The following EDN1 variants were observed in gnomAD, a reference collection of about 807,000 sequenced individuals.
The protein encoded by EDN1 is endothelin 1.
In EDN1, 11 loss-of-function variants were observed where a neutral mutation model predicts 21.7. That is an observed-to-expected ratio of 0.51 (90% confidence interval 0.32 to 0.84). The LOEUF (loss-of-function observed/expected upper bound fraction) is 0.84, where lower values mean the gene tolerates loss of function less well. Ranked by LOEUF, EDN1 falls within the 40% of genes least tolerant of loss-of-function variation. EDN1 has a pLI of 0.03. For missense variants in EDN1, 244 were observed against 262.3 expected, an observed-to-expected ratio of 0.93 and a Z score of 0.48; for synonymous variants, 85 against 90.6, an observed-to-expected ratio of 0.94 and a Z score of 0.35.
chr6:12,266,114 C>T, the EDN1 span, among the ~76,000 whole-genome samples: 8,163 of 152,102 alleles, frequency 0.054, 694 homozygotes, highest in African/African-American at 0.18. Context: ...GGAATTTGAG[C>T]CTTGGTTAGG....
chr6:12,234,925 T>C, the EDN1 span, among the ~76,000 whole-genome samples: 8 of 152,300 alleles, frequency 5.3e-5, no homozygotes, highest in Admixed American at 2.0e-4. Flanking sequence ...AAAGAGATAT[T>C]TGACAAACAT....
the EDN1 span, among the ~76,000 whole-genome samples, chr6:12,266,275 T>C: frequency 4.8e-3 from 735 of 152,274 alleles, 5 homozygotes; most frequent in African/African-American, 0.017. Context: ...TTAAGGAATA[T>C]GTGTCAAAGA....
At chr6:12,266,990 G>T in the EDN1 span, among the ~76,000 whole-genome samples, 1 of 152,200 alleles carries the variant, frequency 6.6e-6, no homozygotes, top group Non-Finnish European at 1.5e-5. Flanking sequence ...TAGTAAAGAA[G>T]AATTTAGGAC....
At chr6:12,274,608 A>G in the EDN1 span, among the ~76,000 whole-genome samples, 1 of 152,252 alleles carries the variant, frequency 6.6e-6, no homozygotes, top group Admixed American at 6.5e-5. Context: ...CCTGGTCTGT[A>G]ATAGGCTCTC....
At chr6:12,285,150 A>C in the EDN1 span, among the ~76,000 whole-genome samples, 1 of 152,220 alleles carries the variant, frequency 6.6e-6, no homozygotes, top group African/African-American at 2.4e-5. Context: ...ATACATAATC[A>C]TATCATTATT....
the EDN1 span, among the ~76,000 whole-genome samples, chr6:12,230,598 T>C: frequency 2.0e-5 from 3 of 152,096 alleles, no homozygotes; most frequent in African/African-American, 7.2e-5. Context: ...TGGTACAAAA[T>C]TGATGGCAAA....
At chr6:12,230,624 C>T in the EDN1 span, among the ~76,000 whole-genome samples, 1 of 152,122 alleles carries the variant, frequency 6.6e-6, no homozygotes, top group South Asian at 2.1e-4. Context: ...CACCTGTTTA[C>T]AGGATAAGGG....
the EDN1 span, among the ~76,000 whole-genome samples, chr6:12,256,348 G>C: frequency 6.6e-6 from 1 of 152,116 alleles, no homozygotes; most frequent in Non-Finnish European, 1.5e-5. Flanking sequence ...GTGAGATCTT[G>C]TCAAACAAAA....
At chr6:12,272,928 T>C in the EDN1 span, among the ~76,000 whole-genome samples, 2 of 152,172 alleles carry the variant, frequency 1.3e-5, no homozygotes, top group African/African-American at 4.8e-5. Flanking sequence ...GAAGAACACA[T>C]GGGACTGGTG....
chr6:12,296,120 C>G lies in EDN1; in HGVS notation c.*53C>G. ...TAGCCTCCACGGAGAGCCCTGTGGCCGACTCTGCACTCTCCACCCTGGCTG... is the reference window on the plus strand; with the variant it reads ...TAGCCTCCACGGAGAGCCCTGTGGCGGACTCTGCACTCTCCACCCTGGCTG... On this transcript the variant is annotated 3_prime_UTR_variant, in exon 5 of 5. Coordinates refer to ENST00000379375, the MANE Select transcript of EDN1 (RefSeq NM_001955.5). 1 of 1,469,956 alleles carries G rather than the reference C, an allele frequency of 6.8e-7. No homozygotes were observed. Among genetic ancestry groups the G allele is most frequent in the East Asian group, 2.3e-5 (1 of 44,060 alleles). 91.1% of individuals were successfully genotyped at this position (1,469,956 alleles called of 1,614,324 possible). A position where few individuals can be genotyped will look rare whatever the true frequency, so the allele number is the denominator to read the frequency against.
the EDN1 span, among the ~76,000 whole-genome samples, chr6:12,273,096 G>A: frequency 6.6e-6 from 1 of 152,204 alleles, no homozygotes; most frequent in Non-Finnish European, 1.5e-5. Context: ...TGCTAAGGTG[G>A]GAACCCATGG....
intron 2 of EDN1, 73 bp downstream of exon 2, chr6:12,292,582 T>G: frequency 1.9e-6 from 3 of 1,573,662 alleles, no homozygotes; most frequent in Non-Finnish European, 2.6e-6. Context: ...GTTTTAGAGT[T>G]TCTTTTCTAG....
chr6:12,284,742 AGGAAGG>A, the EDN1 span, among the ~76,000 whole-genome samples: 1 of 95,872 alleles, frequency 1.0e-5, no homozygotes, highest in African/African-American at 3.9e-5. Flanking sequence ...GAAGGAAGGA[AGGAAGG>A]AAGAAAGAAA....
the EDN1 span, among the ~76,000 whole-genome samples, chr6:12,231,492 TA>T: frequency 6.6e-6 from 1 of 152,356 alleles, no homozygotes; most frequent in African/African-American, 2.4e-5. Context: ...TATTAAACAT[TA>T]TTTTTTTCTT....
chr6:12,234,577 C>A, the EDN1 span, among the ~76,000 whole-genome samples: 8,371 of 152,242 alleles, frequency 0.055, 776 homozygotes, highest in African/African-American at 0.19. Flanking sequence ...TCAAGTCTTT[C>A]TGAAGCAAAA....
chr6:12,245,122 A>G, the EDN1 span, among the ~76,000 whole-genome samples: 1 of 152,236 alleles, frequency 6.6e-6, no homozygotes, highest in Non-Finnish European at 1.5e-5. Context: ...AGAAGTGGCA[A>G]TAATTATAAT....
At chr6:12,284,120 G>C in the EDN1 span, among the ~76,000 whole-genome samples, 1 of 152,098 alleles carries the variant, frequency 6.6e-6, no homozygotes, top group East Asian at 1.9e-4. Context: ...GAACACATAA[G>C]GTACCTAGAA....
chr6:12,285,111 C>T, the EDN1 span, among the ~76,000 whole-genome samples: 2 of 151,956 alleles, frequency 1.3e-5, no homozygotes, highest in East Asian at 3.8e-4. Context: ...CAATAATATC[C>T]TAATATAATT....
the EDN1 span, among the ~76,000 whole-genome samples, chr6:12,275,396 C>A: frequency 6.6e-6 from 1 of 152,170 alleles, no homozygotes; most frequent in Non-Finnish European, 1.5e-5. Context: ...CCTGGTTACA[C>A]ATATTTCTTT....
Sources: allele counts gnomAD v4.1 joint callset (sites outside exome capture counted in the v4.1 genomes callset), GRCh38; gene constraint gnomAD v4.1.1; transcripts MANE v1.5; gene names NCBI Gene and HGNC (gene_info 2026-07-23, HGNC 2026-07-21).